Variants in UNC13C observed in about 807,000 individuals in gnomAD.
UNC13C encodes the protein protein unc-13 homolog C.
In UNC13C, 174 loss-of-function variants were observed where a neutral mutation model predicts 245.4. That is an observed-to-expected ratio of 0.71 (90% confidence interval 0.63 to 0.80). The LOEUF is 0.80. UNC13C is among the 30% of genes least tolerant of loss of function. UNC13C has a pLI of 0.00. For missense variants in UNC13C, 2,829 were observed against 2,602.9 expected (o/e 1.09, Z -1.89); for synonymous variants, 992 against 895.1 (o/e 1.11, Z -1.93).
chr15:54,473,825 T>G (rs1892585448), intron 19 of UNC13C, among the ~76,000 whole-genome samples: 1 of 151,854 alleles, frequency 6.6e-6, no homozygotes, highest in Admixed American at 6.6e-5. Context: ...AGGGTATATA[T>G]CACACGAATA....
At chr15:54,472,936 T>C (rs35063688) in intron 19 of UNC13C, among the ~76,000 whole-genome samples, 62,481 of 151,534 alleles carry the variant, frequency 0.41, 13,166 homozygotes, top group East Asian at 0.62. Flanking sequence ...TATGCTGAGG[T>C]TTGGAATATG....
intron 25 of UNC13C, 101 bp downstream of exon 25, chr15:54,525,738 T>A: frequency 2.1e-6 from 2 of 944,158 alleles, no homozygotes; most frequent in Non-Finnish European, 3.3e-6. Flanking sequence ...TAAATCTACT[T>A]AACTTCAAGA....
chr15:54,428,376 CTT>C (rs1383436503), intron 19 of UNC13C, among the ~76,000 whole-genome samples: 1 of 151,568 alleles, frequency 6.6e-6, no homozygotes, highest in Non-Finnish European at 1.5e-5. Context: ...GCTCTGAACT[CTT>C]TGTCCTTCCC....
chr15:53,931,566 G>A, the UNC13C span, among the ~76,000 whole-genome samples: 15 of 151,902 alleles, frequency 9.9e-5, no homozygotes, highest in African/African-American at 3.6e-4. Flanking sequence ...TCCTAATCTT[G>A]TATGCTTTCC....
At chr15:54,533,436 C>T (rs1895849790) in intron 26 of UNC13C, among the ~76,000 whole-genome samples, 1 of 152,150 alleles carries the variant, frequency 6.6e-6, no homozygotes, top group Non-Finnish European at 1.5e-5. Context: ...TAGCTGATTT[C>T]ATGTCAGAAA....
At chr15:54,454,996 T>C (rs1024951658) in intron 19 of UNC13C, among the ~76,000 whole-genome samples, 14 of 151,542 alleles carry the variant, frequency 9.2e-5, no homozygotes. Context: ...GAGTTCATTA[T>C]ATCATTATTA....
chr15:54,534,289 C>A (rs537448710), intron 26 of UNC13C, among the ~76,000 whole-genome samples: 6 of 152,248 alleles, frequency 3.9e-5, no homozygotes, highest in African/African-American at 1.4e-4. Flanking sequence ...TTAGGACATG[C>A]AATCCAGGAA....
intron 10 of UNC13C, among the ~76,000 whole-genome samples, chr15:54,290,559 AAGAT>A (rs1242327236): frequency 3.3e-5 from 5 of 152,074 alleles, no homozygotes; most frequent in Non-Finnish European, 7.4e-5. Flanking sequence ...TTTGGAAAGA[AAGAT>A]AATATTGTCT....
chr15:53,886,520 G>C, the UNC13C span, among the ~76,000 whole-genome samples: 5 of 152,190 alleles, frequency 3.3e-5, no homozygotes, highest in East Asian at 9.7e-4. Flanking sequence ...GTAAATAACT[G>C]AATAAATTAA....
intron 2 of UNC13C, among the ~76,000 whole-genome samples, chr15:54,053,053 G>A (rs116246135): frequency 0.012 from 1,877 of 152,228 alleles, 33 homozygotes; most frequent in African/African-American, 0.043. Context: ...GAGTACAGTG[G>A]CAGTGGTGTG....
intron 17 of UNC13C, among the ~76,000 whole-genome samples, chr15:54,346,854 C>G (rs68015315): frequency 0.26 from 39,146 of 152,004 alleles, 5,139 homozygotes; most frequent in Middle Eastern, 0.31. Flanking sequence ...CCAGCAGATA[C>G]CTAATCAGCC....
chr15:54,315,954 G>A (rs1210780739), intron 13 of UNC13C, among the ~76,000 whole-genome samples: 1 of 151,658 alleles, frequency 6.6e-6, no homozygotes, highest in Non-Finnish European at 1.5e-5. Context: ...GACATCCATC[G>A]TCTCTTCTCT....
chr15:54,544,534 A>G (rs1896400939), intron 26 of UNC13C, among the ~76,000 whole-genome samples: 1 of 152,228 alleles, frequency 6.6e-6, no homozygotes, highest in African/African-American at 2.4e-5. Flanking sequence ...ACATGATTGT[A>G]TATTTGGAAA....
rs1161349862 is a variant in UNC13C at position 54,057,056 on chromosome 15, T to C, written c.2983+41170T>C. 4.6e-5 allele frequency among the ~76,000 whole-genome samples: 7 copies of C among 152,226 alleles called. No individual in the cohort carries two copies. In the South Asian group the frequency reaches 1.0e-3, roughly 23 times the overall value. On this transcript the variant is annotated intron_variant, in intron 2 of 32. Coordinates refer to ENST00000260323, the MANE Select transcript of UNC13C (RefSeq NM_001080534.3). ...GCTAGGAAGAAACTGCATCAACTAA[T>C]GAGCAAAATAACCAGCTAACATCAT...
chr15:54,238,708 G>T (rs751125438), intron 7 of UNC13C, among the ~76,000 whole-genome samples: 6 of 152,136 alleles, frequency 3.9e-5, no homozygotes, highest in Non-Finnish European at 7.4e-5. Context: ...ACTATAACTT[G>T]TTTGTTGTTC....
chr15:53,857,208 G>C, the UNC13C span, among the ~76,000 whole-genome samples: 7 of 152,224 alleles, frequency 4.6e-5, no homozygotes, highest in Admixed American at 3.3e-4. Context: ...AGCCTACTCT[G>C]GCTCAGGAGG....
At chr15:54,091,777 G>A (rs1319392382) in intron 2 of UNC13C, among the ~76,000 whole-genome samples, 1 of 151,114 alleles carries the variant, frequency 6.6e-6, no homozygotes, top group Non-Finnish European at 1.5e-5. Flanking sequence ...TTTTTTAAGA[G>A]AAATCATTTT....
At chr15:54,602,496 G>A (rs1404997157) in intron 30 of UNC13C, among the ~76,000 whole-genome samples, 4 of 152,172 alleles carry the variant, frequency 2.6e-5, no homozygotes, top group Non-Finnish European at 4.4e-5. Flanking sequence ...ATGATCAGTA[G>A]ATTATATGCT....
chr15:53,887,339 T>C, the UNC13C span, among the ~76,000 whole-genome samples: 1 of 152,202 alleles, frequency 6.6e-6, no homozygotes, highest in African/African-American at 2.4e-5. Context: ...ATTCTTTTTA[T>C]TCTAAGGTAA....
Sources: gnomAD v4.1 joint callset for allele counts (sites outside exome capture counted in the v4.1 genomes callset) on GRCh38, gnomAD v4.1.1 for gene constraint, MANE v1.5 for transcripts, NCBI Gene and HGNC (gene_info 2026-07-23, HGNC 2026-07-21) for gene names.